CR1L: variants seen among roughly 807,000 people sequenced by gnomAD.
The protein encoded by CR1L is complement C3b/C4b receptor 1 like.
A neutral mutation model predicts 62.3 loss-of-function variants in CR1L; 59 were observed. That is an observed-to-expected ratio of 0.95 (90% CI 0.77 to 1.18). The LOEUF (loss-of-function observed/expected upper bound fraction) is 1.18. CR1L is among the 50% of genes most tolerant of loss of function. CR1L has a pLI of 0.00. For synonymous variants in CR1L, 279 were observed against 248.7 expected (o/e 1.12, Z -1.15); for missense variants, 700 against 702.8 (o/e 1.00, Z 0.04).
chr1:207,648,920 C>A (rs1663179481), intron 1 of CR1L, among the ~76,000 whole-genome samples: 1 of 152,168 alleles, frequency 6.6e-6, no homozygotes, highest in African/African-American at 2.4e-5. Context: ...ACAATATATT[C>A]TTCACATTGT....
Position 207,717,481 on chromosome 1 carries a change from C to T in CR1L, c.1432C>T (p.Pro478Ser). 6.2e-7 allele frequency: 1 copy of T among 1,613,534 alleles called. No individual in the cohort carries two copies. The highest frequency in any genetic ancestry group is 8.5e-7 in the Non-Finnish European group (1 of 1,179,554). Residue 478 changes from proline to serine, a missense_variant, in exon 11 of 12, where the codon CCT (proline) becomes TCT (serine). Coordinates refer to ENST00000508064, the MANE Select transcript of CR1L (RefSeq NM_175710.2). ...CTTTCTAGAAATCTTTTGTCCAAAT[C>T]CTCCAGCTATCCTTAATGGGAGACA... ...PICQQIFCPNPPAILNGRHTG... is the reference protein window; with the variant it reads ...PICQQIFCPNSPAILNGRHTG...
intron 1 of CR1L, among the ~76,000 whole-genome samples, chr1:207,654,941 TG>T (rs1207132158): frequency 2.0e-5 from 3 of 152,194 alleles, no homozygotes; most frequent in Admixed American, 6.5e-5. Flanking sequence ...GCAAAGAGGC[TG>T]GGTGGAACGG....
Position 207,708,260 on chromosome 1 carries a change from C to G in CR1L, c.1411C>G (p.Gln471Glu). 1.2e-6 allele frequency: 2 copies of G among 1,611,228 alleles called. No individual in the cohort carries two copies. Among genetic ancestry groups the G allele is most frequent in the Non-Finnish European group, 1.7e-6 (2 of 1,179,262 alleles). The change falls in exon 10 of 12, where the codon CAA becomes GAA. Residue 471 changes from glutamine to glutamate, a missense_variant. Transcript: ENST00000508064. ...TTGGAGCATGAAGCCACCAATTTGT[C>G]AACGTGAGTTGAAATCTCTTTCCCC... is the stretch of plus-strand genomic sequence containing the variant. ...AHWSMKPPIC[Q>E]QIFCPNPPAI...
chr1:207,682,181 C>A (rs1314956938), intron 3 of CR1L, among the ~76,000 whole-genome samples: 1 of 151,918 alleles, frequency 6.6e-6, no homozygotes, highest in Non-Finnish European at 1.5e-5. Flanking sequence ...TTTTAAAAAA[C>A]AAAATGAGTC....
chr1:207,714,190 T>G (rs968539283), intron 10 of CR1L, among the ~76,000 whole-genome samples: 8 of 152,064 alleles, frequency 5.3e-5, no homozygotes, highest in African/African-American at 1.7e-4. Context: ...AGTCAGGGGG[T>G]CATTCTCTCA....
At chr1:207,723,210 T>C (rs879668793) in intron 11 of CR1L, among the ~76,000 whole-genome samples, 1 of 152,140 alleles carries the variant, frequency 6.6e-6, no homozygotes, top group Non-Finnish European at 1.5e-5. Context: ...GGCGGGCAGA[T>C]CACGAGGTCA....
intron 1 of CR1L, among the ~76,000 whole-genome samples, chr1:207,651,029 C>T (rs1175928946): frequency 6.6e-5 from 10 of 152,088 alleles, no homozygotes; most frequent in Non-Finnish European, 1.5e-4. Flanking sequence ...TCGTGATCCG[C>T]CCGCCTCGGC....
At chr1:207,717,337 T>C in intron 10 of CR1L, 127 bp from the exon 11 acceptor site, 1 of 1,087,226 alleles carries the variant, frequency 9.2e-7, no homozygotes, top group African/African-American at 1.6e-5. Context: ...TTAAATTCCA[T>C]CCACCTTAGT....
chr1:207,657,320 AG>A (rs1663332236), intron 1 of CR1L: 1 of 1,069,334 alleles, frequency 9.4e-7, no homozygotes, highest in Non-Finnish European at 1.5e-6. Flanking sequence ...AGAGTGTAAA[AG>A]TCACCTTTCA....
chr1:207,696,797 AAG>A (rs1474908483), intron 5 of CR1L, among the ~76,000 whole-genome samples: 2 of 152,266 alleles, frequency 1.3e-5, no homozygotes, highest in African/African-American at 4.8e-5. Flanking sequence ...CAACTATATT[AAG>A]AGAGAGCCAG....
At chr1:207,712,974 T>A (rs187074074) in intron 10 of CR1L, among the ~76,000 whole-genome samples, 1 of 152,100 alleles carries the variant, frequency 6.6e-6, no homozygotes, top group Admixed American at 6.5e-5. Context: ...GAGATTAATT[T>A]ATGGAAGGGT....
At chr1:207,688,704 T>G (rs1481724416) in intron 4 of CR1L, among the ~76,000 whole-genome samples, 1 of 152,184 alleles carries the variant, frequency 6.6e-6, no homozygotes, top group African/African-American at 2.4e-5. Flanking sequence ...TTTAAATTTA[T>G]GAACATGATA....
intron 9 of CR1L, among the ~76,000 whole-genome samples, chr1:207,707,776 G>A (rs1272964143): frequency 3.7e-5 from 3 of 81,316 alleles, no homozygotes; most frequent in African/African-American, 9.9e-5. Context: ...AAGTTAAATG[G>A]CATAGTATTA....
At chr1:207,700,748 C>G (rs1664177295) in intron 8 of CR1L, among the ~76,000 whole-genome samples, 1 of 152,138 alleles carries the variant, frequency 6.6e-6, no homozygotes, top group African/African-American at 2.4e-5. Flanking sequence ...AAATATTTCC[C>G]AAGAACGTAG....
chr1:207,689,464 C>A (rs1198838471), intron 4 of CR1L, among the ~76,000 whole-genome samples: 2 of 152,000 alleles, frequency 1.3e-5, no homozygotes, highest in African/African-American at 4.8e-5. Context: ...GTAAACCTCA[C>A]TTTGATCATT....
chr1:207,709,832 CA>C (rs11452067), intron 10 of CR1L, among the ~76,000 whole-genome samples: 92 of 122,098 alleles, frequency 7.5e-4, no homozygotes, highest in Admixed American at 7.2e-4. Flanking sequence ...GACTCTGTCT[CA>C]AAAAAAAAAA....
chr1:207,652,834 T>C (rs1663243306), intron 1 of CR1L: 3 of 492,580 alleles, frequency 6.1e-6, no homozygotes, highest in East Asian at 3.6e-5. Context: ...GATTTTTTTT[T>C]CTTGTGAAAT....
In CR1L at chr1:207,716,639, C is replaced by T. The variant is rs79889564; in HGVS notation, c.1415-825C>T. ...TACCTGAGGAAACTCAAGTATCCAACAAACTCAACCCTTACAGAGACACAT... is the reference window on the plus strand; with the variant it reads ...TACCTGAGGAAACTCAAGTATCCAATAAACTCAACCCTTACAGAGACACAT... On this transcript the variant is annotated intron_variant, in intron 10 of 11. Transcript: ENST00000508064. 6.7e-3 allele frequency among the ~76,000 whole-genome samples: 1,026 copies of T among 152,198 alleles called. 2 individuals carry two copies. The highest frequency in any genetic ancestry group is 0.027 in the Middle Eastern group (8 of 294).
chr1:207,680,288 AT>A lies in CR1L; in HGVS notation c.377+2000del, dbSNP rs552371659. On this transcript the variant is annotated intron_variant, in intron 3 of 11. Transcript: ENST00000508064. ...AAACTTGTGCTAAAACACAAAGTCT[AT>A]TTTTTTTTAAACTACATAAAAGTAA... Among the ~76,000 whole-genome samples the A allele has an allele frequency of 3.9e-3, 594 of 151,660 alleles. 2 individuals are homozygous for A. Among genetic ancestry groups the A allele is most frequent in the African/African-American group, 0.013 (556 of 41,350 alleles).
Sources: gnomAD v4.1 joint callset for allele counts (sites outside exome capture counted in the v4.1 genomes callset) on GRCh38, gnomAD v4.1.1 for gene constraint, MANE v1.5 for transcripts, NCBI Gene and HGNC (gene_info 2026-07-23, HGNC 2026-07-21) for gene names.